Variants in SHROOM2 observed in about 807,000 individuals in gnomAD.
The protein encoded by SHROOM2 is shroom family member 2, also known as protein Shroom2.
A neutral mutation model predicts 75.9 loss-of-function variants in SHROOM2; 33 were observed. That is an observed-to-expected ratio of 0.43 (90% CI 0.33 to 0.58). SHROOM2 has a LOEUF of 0.58. Ranked by LOEUF, SHROOM2 falls within the 20% of genes least tolerant of loss-of-function variation. The pLI, the probability that SHROOM2 is intolerant of heterozygous loss-of-function variation, is 0.04. For synonymous variants in SHROOM2, 655 were observed against 663.6 expected, an observed-to-expected ratio of 0.99 and a Z score of 0.20; for missense variants, 1,434 against 1,461.2, an observed-to-expected ratio of 0.98 and a Z score of 0.30.
intron 1 of SHROOM2, among the ~76,000 whole-genome samples, chrX:9,840,846 C>T (rs1307002821): frequency 2.7e-5 from 3 of 112,264 alleles, no homozygotes; most frequent in Non-Finnish European, 3.8e-5. Flanking sequence ...ACTCTTGGTT[C>T]TTCTGTAGTG....
At chrX:9,945,834 TC>T (rs749119346) in intron 9 of SHROOM2, among the ~76,000 whole-genome samples, 520 of 112,565 alleles carry the variant, frequency 4.6e-3, no homozygotes, top group South Asian at 8.6e-3. Context: ...GGCTTTTACC[TC>T]ATAGGCCAAA....
At chrX:9,860,922 A>G (rs149050703) in intron 1 of SHROOM2, among the ~76,000 whole-genome samples, 35 of 112,122 alleles carry the variant, frequency 3.1e-4, no homozygotes, top group African/African-American at 1.1e-3. Context: ...GTTAGCTGAA[A>G]TAAGCCAGTC....
At chrX:9,786,991 C>G (rs1490106162) in intron 1 of SHROOM2, among the ~76,000 whole-genome samples, 2 of 111,626 alleles carry the variant, frequency 1.8e-5, no homozygotes, top group Non-Finnish European at 3.8e-5. Flanking sequence ...CTGGCGCTCC[C>G]GGGCCCGCCA....
chrX:9,848,489 C>T (rs2084018690), intron 1 of SHROOM2, among the ~76,000 whole-genome samples: 1 of 64,343 alleles, frequency 1.6e-5, no homozygotes, highest in Admixed American at 2.7e-4. Flanking sequence ...CCGGCCTGGG[C>T]GACAGAGCGA....
At chrX:9,855,839 C>G (rs1002186286) in intron 1 of SHROOM2, among the ~76,000 whole-genome samples, 1 of 110,880 alleles carries the variant, frequency 9.0e-6, no homozygotes, top group African/African-American at 3.3e-5. Context: ...ATGACTAATT[C>G]GGGTTTTAAC....
intron 1 of SHROOM2, among the ~76,000 whole-genome samples, chrX:9,828,729 G>A (rs2083900860): frequency 9.0e-6 from 1 of 110,908 alleles, no homozygotes; most frequent in Non-Finnish European, 1.9e-5. Flanking sequence ...CTCCCAAAGT[G>A]CTGGGATCAC....
chrX:9,794,747 A>G (rs1257674682), intron 1 of SHROOM2, among the ~76,000 whole-genome samples: 2 of 112,217 alleles, frequency 1.8e-5, no homozygotes, highest in Non-Finnish European at 3.8e-5. Context: ...CAGCCAGTGT[A>G]CCCACAACAC....
At chrX:9,918,557 C>G (rs1473457970) in intron 5 of SHROOM2, among the ~76,000 whole-genome samples, 2 of 112,034 alleles carry the variant, frequency 1.8e-5, no homozygotes, top group Admixed American at 9.5e-5. Flanking sequence ...TCACAGCTCA[C>G]TGCAGCCTCA....
At chrX:9,934,385 G>A (rs924224594) in intron 6 of SHROOM2, among the ~76,000 whole-genome samples, 9 of 111,293 alleles carry the variant, frequency 8.1e-5, no homozygotes, top group Admixed American at 4.8e-4. Context: ...ATCTCCAGCC[G>A]AGGCATTGTA....
intron 1 of SHROOM2, among the ~76,000 whole-genome samples, chrX:9,791,411 A>C (rs1038857845): frequency 8.9e-6 from 1 of 112,074 alleles, no homozygotes; most frequent in Admixed American, 9.5e-5. Context: ...CCAAGTTCTT[A>C]AGGGCAGTGG....
At chrX:9,839,461 A>AGAT (rs201976088) in intron 1 of SHROOM2, among the ~76,000 whole-genome samples, 1,158 of 111,591 alleles carry the variant, frequency 0.01, 21 homozygotes, top group African/African-American at 0.036. Context: ...ACTGTGGGGC[A>AGAT]GATGATGAGC....
intron 5 of SHROOM2, among the ~76,000 whole-genome samples, chrX:9,910,034 C>T (rs1329416316): frequency 9.1e-6 from 1 of 110,301 alleles, no homozygotes; most frequent in African/African-American, 3.3e-5. Flanking sequence ...CTTATGACCT[C>T]ATCACCTCCC....
intron 1 of SHROOM2, among the ~76,000 whole-genome samples, chrX:9,799,739 G>A (rs1279643341): frequency 1.8e-5 from 2 of 109,955 alleles, no homozygotes; most frequent in Non-Finnish European, 3.8e-5. Flanking sequence ...TCGAGATAAC[G>A]TGCATCTGTT....
rs149912209 is a variant in SHROOM2 at position 9,873,681 on chromosome X, C to A, written c.195C>A (p.Val65=). 8.3e-7 allele frequency: 1 copy of A among 1,211,268 alleles called. No individual in the cohort carries two copies. The highest frequency in any genetic ancestry group is 3.0e-5 in the East Asian group (1 of 33,828). ...AAGAGGGCAGTAAAGCCGCGGCGGT[C>A]GACAAGTTACTGGCTGGAGATGAGA... ...KIEEGSKAAA[V]DKLLAGDEIV... is the part of the protein sequence containing the mutation. Residue 65 remains valine, a synonymous_variant, in exon 2 of 10, where the codon GTC becomes GTA. Transcript: ENST00000380913.
chrX:9,796,597 G>C (rs775770437), intron 1 of SHROOM2, among the ~76,000 whole-genome samples: 48 of 110,684 alleles, frequency 4.3e-4, no homozygotes, highest in Middle Eastern at 4.7e-3. Context: ...ATTAATAAAG[G>C]GAGTAGCTCT....
At chrX:9,789,023 T>G (rs2083632620) in intron 1 of SHROOM2, among the ~76,000 whole-genome samples, 1 of 111,932 alleles carries the variant, frequency 8.9e-6, no homozygotes, top group Admixed American at 9.5e-5. Flanking sequence ...GACTGGCCTT[T>G]AGGGTGGTGT....
chrX:9,810,613 A>G (rs2083786894), intron 1 of SHROOM2, among the ~76,000 whole-genome samples: 1 of 110,563 alleles, frequency 9.0e-6, no homozygotes, highest in Admixed American at 9.8e-5. Context: ...GGCCAGCAGA[A>G]CGTAATGTTG....
At chrX:9,823,225 TCC>T (rs2083869714) in intron 1 of SHROOM2, among the ~76,000 whole-genome samples, 1 of 83,198 alleles carries the variant, frequency 1.2e-5, no homozygotes, top group Non-Finnish European at 2.3e-5. Context: ...CTCCTCCTCC[TCC>T]TCCTCCTTCT....
At chrX:9,884,509 C>A (rs1184003916) in intron 2 of SHROOM2, among the ~76,000 whole-genome samples, 2 of 102,958 alleles carry the variant, frequency 1.9e-5, no homozygotes, top group Non-Finnish European at 3.9e-5. Context: ...TCTGTTCTTT[C>A]TTTTTTTTTA....
Sources: gnomAD v4.1 joint callset for allele counts (sites outside exome capture counted in the v4.1 genomes callset) on GRCh38, gnomAD v4.1.1 for gene constraint, MANE v1.5 for transcripts, NCBI Gene and HGNC (gene_info 2026-07-23, HGNC 2026-07-21) for gene names.